The following TDP1 variants were observed in gnomAD, a reference collection of about 807,000 sequenced individuals.
TDP1 encodes tyrosyl-DNA phosphodiesterase 1.
A neutral mutation model predicts 81.5 loss-of-function variants in TDP1; 64 were observed. That is an observed-to-expected ratio of 0.79 (90% CI 0.64 to 0.97). The LOEUF is 0.97. Among genes scored for constraint, TDP1 ranks in the 50% least tolerant of loss-of-function variants. The probability of loss-of-function intolerance (pLI) is 0.00; values close to 1 mark genes in which losing one functional copy is unlikely to be tolerated. For synonymous variants in TDP1, 256 were observed against 264.3 expected, an observed-to-expected ratio of 0.97 and a Z score of 0.30; for missense variants, 723 against 743.8, an observed-to-expected ratio of 0.97 and a Z score of 0.33.
intron 14 of TDP1, among the ~76,000 whole-genome samples, chr14:89,994,197 G>A (rs1228591170): frequency 6.6e-6 from 1 of 152,182 alleles, no homozygotes; most frequent in African/African-American, 2.4e-5. Flanking sequence ...GTATCACAGA[G>A]TAGAATTATT....
chr14:89,966,664 C>T (rs1233369102), intron 4 of TDP1, among the ~76,000 whole-genome samples: 1 of 152,280 alleles, frequency 6.6e-6, no homozygotes, highest in African/African-American at 2.4e-5. Context: ...GGTCCAGACC[C>T]ACAAGTAAGT....
intron 3 of TDP1, chr14:89,965,688 A>G (rs1156247746): frequency 1.3e-6 from 1 of 749,538 alleles, no homozygotes; most frequent in Non-Finnish European, 1.6e-6. Context: ...CCTTTCATTC[A>G]CAGGCCACAG....
rs1423678172 is a variant in TDP1 at position 90,043,643 on chromosome 14, T to C, written c.*500T>C. On this transcript the variant is annotated 3_prime_UTR_variant, in exon 17 of 17. Transcript: ENST00000335725. Reference sequence around the variant, plus strand: ...AGTTTTGACAGGCTTTTGACCGTGATTCATCACATGAGTTCAGGCATGGAA... The same window carrying C: ...AGTTTTGACAGGCTTTTGACCGTGACTCATCACATGAGTTCAGGCATGGAA... The C allele has an allele frequency of 5.3e-6, 1 of 189,982 alleles. No homozygotes were observed. The highest frequency in any genetic ancestry group is 1.1e-5 in the Non-Finnish European group (1 of 91,512). 11.8% of individuals were successfully genotyped at this position (189,982 alleles called of 1,614,324 possible). A position where few individuals can be genotyped will look rare whatever the true frequency, so the allele number is the denominator to read the frequency against.
At chr14:90,041,068 A>G (rs978402942) in intron 16 of TDP1, among the ~76,000 whole-genome samples, 1 of 152,228 alleles carries the variant, frequency 6.6e-6, no homozygotes, top group African/African-American at 2.4e-5. Context: ...AAAATCCTGC[A>G]TTGCTGAATA....
chr14:89,988,497 C>A, intron 10 of TDP1: 1 of 690,690 alleles, frequency 1.4e-6, no homozygotes, highest in Non-Finnish European at 1.8e-6. Context: ...TAGTTGCATG[C>A]CAGGAAACAG....
intron 15 of TDP1, chr14:90,022,873 T>A: frequency 3.0e-5 from 13 of 430,266 alleles, no homozygotes; most frequent in Non-Finnish European, 4.0e-5. Context: ...AGGAGTGAGA[T>A]GCTTAACTTG....
rs1893043011 is a variant in TDP1, at chr14:89,967,220, G to A, written c.604-147G>A. 9 of 1,376,066 alleles carry A rather than the reference G, an allele frequency of 6.5e-6. No individual in the cohort carries two copies. The South Asian group carries it at 9.6e-5, about 15-fold the overall frequency. 85.2% of individuals were successfully genotyped at this position (1,376,066 alleles called of 1,614,324 possible). ...GATAAATTATAGGTTTGTTAGTATTGCAGCATAACCCTCCAGGTTTATAAA... is the reference window on the plus strand; with the variant it reads ...GATAAATTATAGGTTTGTTAGTATTACAGCATAACCCTCCAGGTTTATAAA... On this transcript the variant is annotated intron_variant, in intron 4 of 16. Coordinates refer to ENST00000335725, the MANE Select transcript of TDP1 (RefSeq NM_018319.4).
chr14:90,023,763 C>G (rs1457435348), intron 15 of TDP1, among the ~76,000 whole-genome samples: 2 of 152,076 alleles, frequency 1.3e-5, no homozygotes, highest in African/African-American at 4.8e-5. Flanking sequence ...GCAGTCTCCA[C>G]CAGGCTCAAG....
At chr14:89,994,410 A>G (rs866193090) in intron 14 of TDP1, among the ~76,000 whole-genome samples, 1 of 152,200 alleles carries the variant, frequency 6.6e-6, no homozygotes, top group Non-Finnish European at 1.5e-5. Flanking sequence ...TTTCTACTTT[A>G]TTGGAAAAGT....
intron 2 of TDP1, among the ~76,000 whole-genome samples, chr14:89,962,479 G>A (rs1596495734): frequency 1.3e-5 from 2 of 152,074 alleles, no homozygotes. Context: ...TGGAAGTTTC[G>A]GGGTCAAGAA....
chr14:90,019,965 C>T (rs35739756), intron 15 of TDP1, among the ~76,000 whole-genome samples: 2,884 of 152,224 alleles, frequency 0.019, 87 homozygotes, highest in African/African-American at 0.066. Flanking sequence ...TGGGCGGGGC[C>T]AGTGGGGTGG....
At chr14:89,959,932 A>G (rs531883994) in intron 2 of TDP1, among the ~76,000 whole-genome samples, 89 of 152,320 alleles carry the variant, frequency 5.8e-4, no homozygotes, top group African/African-American at 2.0e-3. Context: ...AGATTCTGCA[A>G]CTGCTTCTGA....
chr14:90,004,789 A>G (rs1897510527), intron 14 of TDP1, among the ~76,000 whole-genome samples: 1 of 152,192 alleles, frequency 6.6e-6, no homozygotes, highest in Non-Finnish European at 1.5e-5. Context: ...GGCTGAGAGA[A>G]GGAAGGGAGG....
In TDP1 at chr14:90,033,119, T is replaced by C; in HGVS notation, c.1658T>C (p.Phe553Ser). The change falls in exon 16 of 17, where the codon TTC becomes TCC. Residue 553 changes from phenylalanine (F) to serine (S), a missense_variant. By Grantham distance (155) the Phe-to-Ser change is radical. Coordinates refer to ENST00000335725, the MANE Select transcript of TDP1 (RefSeq NM_018319.4). ...FLPSAFGLDS[F>S]KVKQKFFAGS... The stretch of plus-strand genomic sequence containing the variant: ...GTGTGTCTGCAGGGTCTAGACAGTT[T>C]CAAAGTGAAACAGAAGTTCTTCGCT... 1 of 1,610,768 alleles carries C rather than the reference T, an allele frequency of 6.2e-7. No individual in the cohort carries two copies. Among genetic ancestry groups the C allele is most frequent in the Non-Finnish European group, 8.5e-7 (1 of 1,177,026 alleles).
rs540812269 is a variant in TDP1, at chr14:89,971,367, T to G, written c.756+96T>G. The stretch of plus-strand genomic sequence containing the variant: ...CCTCTCACTTAGTGCAGAAATCCTC[T>G]CTCCAGCATCAGTCATCAATAGATA... On this transcript the variant is annotated intron_variant, in intron 6 of 16. Coordinates refer to ENST00000335725, the MANE Select transcript of TDP1 (RefSeq NM_018319.4). 15 of 872,960 alleles carry G rather than the reference T, an allele frequency of 1.7e-5. No individual in the cohort carries two copies. The Admixed American group carries it at 2.1e-4, about 12-fold the overall frequency. 54.1% of individuals were successfully genotyped at this position (872,960 alleles called of 1,614,324 possible).
chr14:89,965,743 T>G (rs1892869174), intron 3 of TDP1: 1 of 984,192 alleles, frequency 1.0e-6, no homozygotes, highest in Non-Finnish European at 1.2e-6. Context: ...CTGTCCACAT[T>G]TATAAAATCT....
intron 15 of TDP1, among the ~76,000 whole-genome samples, chr14:90,030,258 A>G (rs1439401343): frequency 6.6e-6 from 1 of 152,166 alleles, no homozygotes; most frequent in Non-Finnish European, 1.5e-5. Flanking sequence ...CCTCTGTGTC[A>G]GTGCCCTCGC....
At chr14:90,011,155 G>T (rs930068587) in intron 14 of TDP1, among the ~76,000 whole-genome samples, 1 of 152,064 alleles carries the variant, frequency 6.6e-6, no homozygotes, top group Non-Finnish European at 1.5e-5. Flanking sequence ...CTCCTCCTTC[G>T]CCTGCTGCCA....
chr14:90,038,049 T>C (rs184805272), intron 16 of TDP1, among the ~76,000 whole-genome samples: 1 of 152,332 alleles, frequency 6.6e-6, no homozygotes, highest in Admixed American at 6.5e-5. Flanking sequence ...AAAGAAGTAA[T>C]GTGTTCTTCC....
Sources: allele counts gnomAD v4.1 joint callset (sites outside exome capture counted in the v4.1 genomes callset), GRCh38; gene constraint gnomAD v4.1.1; transcripts MANE v1.5; gene names NCBI Gene and HGNC (gene_info 2026-07-23, HGNC 2026-07-21).